GABRA2: variants seen among roughly 807,000 people sequenced by gnomAD.
GABRA2 encodes the protein gamma-aminobutyric acid type A receptor subunit alpha2, also known as gamma-aminobutyric acid receptor subunit alpha-2.
In GABRA2, 16 loss-of-function variants were observed where a neutral mutation model predicts 48.7. The observed-to-expected ratio is 0.33, with a 90% CI of 0.22 to 0.50. The LOEUF is 0.50. Among genes scored for constraint, GABRA2 ranks in the 20% least tolerant of loss-of-function variants. The pLI is 0.98. For synonymous variants in GABRA2, 185 were observed against 184.5 expected (o/e 1.00, Z -0.02); for missense variants, 275 against 535.6 (o/e 0.51, Z 4.80).
chr4:46,260,350 T>G (rs1349898555), intron 9 of GABRA2, among the ~76,000 whole-genome samples: 2 of 151,938 alleles, frequency 1.3e-5, no homozygotes, highest in Non-Finnish European at 2.9e-5. Context: ...ATTTGGCATA[T>G]GGATAGACTT....
chr4:46,383,479 T>C (rs1717034429), intron 3 of GABRA2, among the ~76,000 whole-genome samples: 1 of 152,188 alleles, frequency 6.6e-6, no homozygotes. Context: ...CAACATTTAT[T>C]TTATGACCAC....
intron 4 of GABRA2, among the ~76,000 whole-genome samples, chr4:46,332,400 T>A (rs1180291432): frequency 6.6e-6 from 1 of 152,128 alleles, no homozygotes. Flanking sequence ...AGACATGTTT[T>A]GAAAATGACG....
chr4:46,265,304 T>C (rs370068862), intron 8 of GABRA2, among the ~76,000 whole-genome samples: 1 of 149,454 alleles, frequency 6.7e-6, no homozygotes, highest in East Asian at 2.0e-4. Context: ...CCTCTCAAAG[T>C]GCTGTGATTA....
At chr4:46,385,103 A>ATATC (rs1717270528) in intron 3 of GABRA2, among the ~76,000 whole-genome samples, 2 of 138,500 alleles carry the variant, frequency 1.4e-5, no homozygotes. Flanking sequence ...ATATATATAT[A>ATATC]TATATAAACA....
chr4:46,282,974 C>T (rs943193601), intron 8 of GABRA2, among the ~76,000 whole-genome samples: 23 of 152,244 alleles, frequency 1.5e-4, no homozygotes, highest in African/African-American at 5.1e-4. Context: ...ACTTGCCAGA[C>T]GCCACATAGT....
chr4:46,309,260 C>T (rs550329720), intron 6 of GABRA2, among the ~76,000 whole-genome samples: 28 of 152,172 alleles, frequency 1.8e-4, no homozygotes, highest in Admixed American at 3.3e-4. Flanking sequence ...ACCATTCTTC[C>T]GTTTTCTTTT....
At chr4:46,265,075 A>G (rs1717853211) in intron 8 of GABRA2, among the ~76,000 whole-genome samples, 1 of 148,850 alleles carries the variant, frequency 6.7e-6, no homozygotes, top group East Asian at 2.0e-4. Context: ...TTGACATTTC[A>G]CCCAGGCTGA....
chr4:46,377,920 G>A (rs1207472481), intron 3 of GABRA2, among the ~76,000 whole-genome samples: 1 of 150,362 alleles, frequency 6.7e-6, no homozygotes, highest in South Asian at 2.1e-4. Context: ...GCCTCTGCCC[G>A]GCCGCCCCTA....
At chr4:46,339,584 A>G (rs1732865340) in intron 3 of GABRA2, among the ~76,000 whole-genome samples, 1 of 151,902 alleles carries the variant, frequency 6.6e-6, no homozygotes, top group South Asian at 2.1e-4. Flanking sequence ...ATACTATGCA[A>G]AAAATCAAAT....
chr4:46,375,033 G>A (rs1416163158), intron 3 of GABRA2, among the ~76,000 whole-genome samples: 1 of 151,988 alleles, frequency 6.6e-6, no homozygotes, highest in African/African-American at 2.4e-5. Flanking sequence ...AAGGAATATA[G>A]AGAAGGTGAA....
intron 8 of GABRA2, among the ~76,000 whole-genome samples, chr4:46,288,588 G>A (rs1722993562): frequency 1.3e-5 from 2 of 151,970 alleles, no homozygotes; most frequent in Admixed American, 6.6e-5. Flanking sequence ...GACTTAAATG[G>A]AAAACCCAAA....
chr4:46,300,539 T>G (rs1472455057), intron 8 of GABRA2, among the ~76,000 whole-genome samples: 1 of 152,034 alleles, frequency 6.6e-6, no homozygotes, highest in Non-Finnish European at 1.5e-5. Flanking sequence ...GATTGTCATA[T>G]TTATCAATAG....
chr4:46,324,218 T>C (rs1729939508), intron 4 of GABRA2, among the ~76,000 whole-genome samples: 1 of 152,030 alleles, frequency 6.6e-6, no homozygotes, highest in Non-Finnish European at 1.5e-5. Context: ...CCGTAATAGA[T>C]GACACAATGT....
At position 46,289,920 on chromosome 4, in the gene GABRA2, T is replaced by A. The variant is rs190572916; in HGVS notation, c.856+13540A>T. Reference sequence around the variant, plus strand: ...ATTTATTTATTTATTTTTATTTTTTTTTTTTTTTTGAGACTGAGTCGGGCT... The same window carrying A: ...ATTTATTTATTTATTTTTATTTTTTATTTTTTTTTGAGACTGAGTCGGGCT... On this transcript the variant is annotated intron_variant, in intron 8 of 9. Coordinates refer to ENST00000381620, the MANE Select transcript of GABRA2 (RefSeq NM_000807.4). Among the ~76,000 whole-genome samples, 49 of 147,492 alleles carry A rather than the reference T, an allele frequency of 3.3e-4. 2 individuals are homozygous for A. In the East Asian group the frequency reaches 8.4e-3, roughly 25 times the overall value.
rs199684976 is a variant in GABRA2 at position 46,389,806 on chromosome 4, A to G, written c.-82T>C. On this transcript the variant is annotated 5_prime_UTR_variant, in exon 1 of 10. Transcript: ENST00000381620. Reference sequence around the variant, plus strand: ...CTTGACGAGATAGGAAACTTGGGAGAGAGAGAGAGAGAGAGAGAGAGAGAG... The same window carrying G: ...CTTGACGAGATAGGAAACTTGGGAGGGAGAGAGAGAGAGAGAGAGAGAGAG... The G allele has an allele frequency of 1.8e-3, 433 of 236,230 alleles. 2 individuals are homozygous for G. The highest frequency in any genetic ancestry group is 0.015 in the East Asian group (29 of 1,944). The allele number at this position is 236,230 out of a possible 1,614,324, so 14.6% of individuals were successfully genotyped here. A position where few individuals can be genotyped will look rare whatever the true frequency, so the allele number is the denominator to read the frequency against.
At chr4:46,282,759 C>T (rs146416707) in intron 8 of GABRA2, among the ~76,000 whole-genome samples, 74 of 152,128 alleles carry the variant, frequency 4.9e-4, no homozygotes, top group Admixed American at 2.7e-3. Context: ...AATTAGTATC[C>T]GATAATAAAC....
Position 46,262,147 on chromosome 4 carries a change from G to A in GABRA2, c.857-19C>T. ...GTTACTCCTGCAAAAGAAAAGATAG[G>A]AATCGAAAACATCAATAGGTACTAG... On this transcript the variant is annotated intron_variant, in intron 8 of 9. Coordinates refer to ENST00000381620, the MANE Select transcript of GABRA2 (RefSeq NM_000807.4). 1 of 1,609,476 alleles carries A rather than the reference G, an allele frequency of 6.2e-7. No homozygotes were observed. Among genetic ancestry groups the A allele is most frequent in the South Asian group, 1.1e-5 (1 of 90,972 alleles).
At chr4:46,261,051 T>C (rs1383686437) in intron 9 of GABRA2, 3 of 151,864 alleles carry the variant, frequency 2.0e-5, no homozygotes, top group Admixed American at 6.6e-5. Flanking sequence ...GTTAAAGATA[T>C]CCTCTGAATA....
intron 3 of GABRA2, among the ~76,000 whole-genome samples, chr4:46,384,658 G>C (rs1331754208): frequency 1.3e-5 from 2 of 152,114 alleles, no homozygotes; most frequent in Admixed American, 6.5e-5. Context: ...ATCTGCCTTA[G>C]TGCAATATGC....
Sources: allele counts gnomAD v4.1 joint callset (sites outside exome capture counted in the v4.1 genomes callset), GRCh38; gene constraint gnomAD v4.1.1; transcripts MANE v1.5; gene names NCBI Gene and HGNC (gene_info 2026-07-23, HGNC 2026-07-21).